The following MDGA2 variants were observed in gnomAD, a reference collection of about 807,000 sequenced individuals.
MDGA2 encodes the protein MAM domain containing glycosylphosphatidylinositol anchor 2.
Under a neutral mutation model 117.8 loss-of-function variants are expected in MDGA2, and 40 were observed. The observed-to-expected ratio is 0.34, with a 90% CI of 0.26 to 0.44. MDGA2 has a LOEUF of 0.44. Among genes scored for constraint, MDGA2 ranks in the 20% least tolerant of loss-of-function variants. The pLI, the probability that MDGA2 is intolerant of heterozygous loss-of-function variation, is 1.00. For missense variants in MDGA2, 1,123 were observed against 1,250.6 expected (o/e 0.90, Z 1.54); for synonymous variants, 452 against 439.0 (o/e 1.03, Z -0.37).
At chr14:47,426,983 A>G (rs1455811499) in intron 1 of MDGA2, among the ~76,000 whole-genome samples, 2 of 152,032 alleles carry the variant, frequency 1.3e-5, no homozygotes, top group Non-Finnish European at 2.9e-5. Context: ...CAAAGTAATA[A>G]TAGTTAGCAA....
At chr14:47,142,553 T>C (rs1882768453) in intron 4 of MDGA2, among the ~76,000 whole-genome samples, 2 of 152,206 alleles carry the variant, frequency 1.3e-5, no homozygotes, top group African/African-American at 4.8e-5. Context: ...TTTTACAAGA[T>C]TCTAGAGGAA....
intron 1 of MDGA2, among the ~76,000 whole-genome samples, chr14:47,484,248 C>T (rs1955787): frequency 0.74 from 113,154 of 151,920 alleles, 42,655 homozygotes; most frequent in East Asian, 1. Context: ...ATTAAAAAAA[C>T]ACATATATAT....
intron 10 of MDGA2, among the ~76,000 whole-genome samples, chr14:46,903,555 G>A (rs922369102): frequency 3.3e-5 from 5 of 152,136 alleles, no homozygotes; most frequent in Non-Finnish European, 7.4e-5. Context: ...TCCAATAGAT[G>A]AAAGCATTTC....
At chr14:47,591,332 C>G (rs757665343) in intron 1 of MDGA2, among the ~76,000 whole-genome samples, 1 of 151,896 alleles carries the variant, frequency 6.6e-6, no homozygotes, top group Non-Finnish European at 1.5e-5. Context: ...TTAGTTAAGA[C>G]AGCATGACAT....
At chr14:47,607,928 T>C (rs1416760612) in intron 1 of MDGA2, among the ~76,000 whole-genome samples, 1 of 151,982 alleles carries the variant, frequency 6.6e-6, no homozygotes, top group Non-Finnish European at 1.5e-5. Flanking sequence ...ATTGTGGTAA[T>C]ACTTTGAATT....
chr14:47,029,531 C>T (rs1293138991), intron 8 of MDGA2, among the ~76,000 whole-genome samples: 3 of 152,076 alleles, frequency 2.0e-5, no homozygotes, highest in African/African-American at 4.8e-5. Flanking sequence ...GAAGGTACAA[C>T]AAATGTGCAT....
chr14:47,502,538 AG>A lies in MDGA2; in HGVS notation c.280+171978del, dbSNP rs1396600234. On this transcript the variant is annotated intron_variant, in intron 1 of 16. Transcript: ENST00000399232. ...AGCCATACCTTTTAGGATATTGATA[AG>A]CCCACTCTAATAACTAACTTTCTGA... Among the ~76,000 whole-genome samples the A allele has an allele frequency of 2.6e-5, 4 of 152,342 alleles. 1 individual carries two copies. Among genetic ancestry groups the A allele is most frequent in the African/African-American group, 9.6e-5 (4 of 41,586 alleles).
chr14:47,350,463 C>T (rs1462834107), intron 1 of MDGA2, among the ~76,000 whole-genome samples: 1 of 152,132 alleles, frequency 6.6e-6, no homozygotes, highest in Non-Finnish European at 1.5e-5. Flanking sequence ...CTGAATAATA[C>T]CGTTACCTAT....
chr14:47,160,750 C>T (rs1359929746), intron 3 of MDGA2, among the ~76,000 whole-genome samples: 3 of 152,302 alleles, frequency 2.0e-5, no homozygotes, highest in African/African-American at 7.2e-5. Context: ...ATTAAATTCA[C>T]ATATAAATTT....
At chr14:47,348,797 C>T (rs774381131) in intron 1 of MDGA2, among the ~76,000 whole-genome samples, 44 of 152,154 alleles carry the variant, frequency 2.9e-4, no homozygotes, top group South Asian at 1.2e-3. Flanking sequence ...TTTATTTTAG[C>T]GGCTTCTGTT....
rs139747356 is a variant in MDGA2, at chr14:47,671,971, T to C, written c.280+2546A>G. On this transcript the variant is annotated intron_variant, in intron 1 of 16. Transcript: ENST00000399232. ...TAAGCCTATGTTAGTGCTTCTCAAC[T>C]TCAGTGTCCACTGTAATCATCACTC... Among the ~76,000 whole-genome samples the C allele has an allele frequency of 6.1e-3, 932 of 152,322 alleles. 12 individuals are homozygous for C. The highest frequency in any genetic ancestry group is 0.021 in the African/African-American group (880 of 41,578).
chr14:47,084,598 T>C (rs1183816591), intron 6 of MDGA2, among the ~76,000 whole-genome samples: 1 of 152,154 alleles, frequency 6.6e-6, no homozygotes, highest in East Asian at 1.9e-4. Flanking sequence ...ATTTCTTTTG[T>C]TGTAACCCTA....
intron 10 of MDGA2, 93 bp from the exon 11 acceptor site, chr14:46,882,314 A>G (rs1882492949): frequency 9.2e-7 from 1 of 1,085,626 alleles, no homozygotes; most frequent in Middle Eastern, 2.2e-4. Context: ...TTATTAAATC[A>G]AAAAGTACGT....
intron 1 of MDGA2, among the ~76,000 whole-genome samples, chr14:47,498,519 T>A (rs942234329): frequency 6.6e-6 from 1 of 152,182 alleles, no homozygotes; most frequent in African/African-American, 2.4e-5. Context: ...ATACATGTGC[T>A]CACAGTGTCT....
chr14:47,075,310 G>C (rs969884831), intron 6 of MDGA2, among the ~76,000 whole-genome samples: 3 of 152,130 alleles, frequency 2.0e-5, no homozygotes, highest in African/African-American at 7.2e-5. Flanking sequence ...TCATATTGCT[G>C]TCTTCCTGAG....
intron 5 of MDGA2, among the ~76,000 whole-genome samples, chr14:47,097,715 C>T (rs1259821627): frequency 6.6e-6 from 1 of 151,974 alleles, no homozygotes; most frequent in Non-Finnish European, 1.5e-5. Flanking sequence ...TCTCTAACCT[C>T]TTCACTTACA....
At chr14:47,395,017 T>C (rs1891976716) in intron 1 of MDGA2, among the ~76,000 whole-genome samples, 1 of 151,786 alleles carries the variant, frequency 6.6e-6, no homozygotes, top group Admixed American at 6.6e-5. Context: ...TATCTGGGAG[T>C]GGGGCCTCAT....
chr14:47,230,568 G>A (rs941004951), intron 2 of MDGA2, among the ~76,000 whole-genome samples: 3 of 151,760 alleles, frequency 2.0e-5, no homozygotes, highest in Admixed American at 1.3e-4. Context: ...AATTCCTATC[G>A]GTACATTTTC....
chr14:47,416,414 G>A (rs534061131), intron 1 of MDGA2, among the ~76,000 whole-genome samples: 26 of 152,260 alleles, frequency 1.7e-4, no homozygotes, highest in South Asian at 4.1e-4. Flanking sequence ...CTAAAGCAAG[G>A]AGAACCTCCA....
Sources: allele counts gnomAD v4.1 joint callset (sites outside exome capture counted in the v4.1 genomes callset), GRCh38; gene constraint gnomAD v4.1.1; transcripts MANE v1.5; gene names NCBI Gene and HGNC (gene_info 2026-07-23, HGNC 2026-07-21).